Variants in RSBN1 observed in about 807,000 individuals in gnomAD.
The protein encoded by RSBN1 is lysine-specific demethylase 9.
A neutral mutation model predicts 74.8 loss-of-function variants in RSBN1; 23 were observed. That is an observed-to-expected ratio of 0.31 (90% confidence interval 0.22 to 0.44). The LOEUF is 0.44. Ranked by LOEUF, RSBN1 falls within the 20% of genes least tolerant of loss-of-function variation. The pLI, the probability that RSBN1 is intolerant of heterozygous loss-of-function variation, is 1.00. For synonymous variants in RSBN1, 407 were observed against 379.6 expected (o/e 1.07, Z -0.84); for missense variants, 808 against 1,020.9 (o/e 0.79, Z 2.84).
chr1:113,794,985 T>C (rs1660442615), intron 2 of RSBN1, among the ~76,000 whole-genome samples: 1 of 152,260 alleles, frequency 6.6e-6, no homozygotes, highest in Non-Finnish European at 1.5e-5. Context: ...TTTATTTGAC[T>C]TTATTTCTAG....
At chr1:113,779,623 T>C (rs1460966137) in intron 2 of RSBN1, among the ~76,000 whole-genome samples, 1 of 152,222 alleles carries the variant, frequency 6.6e-6, no homozygotes, top group Non-Finnish European at 1.5e-5. Flanking sequence ...AAGGTAAGTC[T>C]TTTTAAATCA....
chr1:113,795,358 T>C (rs1660450819), intron 2 of RSBN1, among the ~76,000 whole-genome samples: 1 of 152,218 alleles, frequency 6.6e-6, no homozygotes, highest in Non-Finnish European at 1.5e-5. Flanking sequence ...CACTAGGTTG[T>C]TTCAAATATT....
chr1:113,796,768 A>C (rs1660479907), intron 2 of RSBN1, among the ~76,000 whole-genome samples: 1 of 152,218 alleles, frequency 6.6e-6, no homozygotes, highest in African/African-American at 2.4e-5. Context: ...ACTGGTTAAG[A>C]AGCAGACGTT....
In RSBN1 at chr1:113,763,056, C is replaced by T. The variant is rs1339007169; in HGVS notation, c.*2924G>A. ...TTAAAACTTTGGAGGAGAGAACATA[C>T]TATATAGGTTTTTATTATTATTGCT... On this transcript the variant is annotated 3_prime_UTR_variant, in exon 7 of 7. Transcript: ENST00000261441. The T allele has an allele frequency of 6.5e-6, 1 of 152,722 alleles. No homozygotes were observed. Among genetic ancestry groups the T allele is most frequent in the East Asian group, 1.9e-4 (1 of 5,336 alleles). 9.5% of individuals were successfully genotyped at this position (152,722 alleles called of 1,614,324 possible). A position where few individuals can be genotyped will look rare whatever the true frequency, so the allele number is the denominator to read the frequency against.
intron 1 of RSBN1, among the ~76,000 whole-genome samples, chr1:113,810,473 A>G (rs1040568854): frequency 6.6e-6 from 1 of 152,158 alleles, no homozygotes; most frequent in Non-Finnish European, 1.5e-5. Context: ...ATCATTGCAT[A>G]TTGGTGGTGA....
intron 1 of RSBN1, among the ~76,000 whole-genome samples, chr1:113,799,920 T>C (rs1359313048): frequency 6.6e-6 from 1 of 152,164 alleles, no homozygotes; most frequent in African/African-American, 2.4e-5. Flanking sequence ...GCATAGAATT[T>C]ACCCACCAAA....
Position 113,797,383 on chromosome 1 carries a change from T to C in RSBN1, c.1357A>G (p.Ile453Val). ...LGKKDIETTT[I>V]SNFHTQVNRT... ...CTTACCTGAGTGTGAAAATTTGAAA[T>C]GGTGGTTGTTTCAATATCTTTCTTG... Residue 453 changes from isoleucine (I) to valine (V), a missense_variant, in exon 2 of 7, where the codon ATT becomes GTT. Coordinates refer to ENST00000261441, the MANE Select transcript of RSBN1 (RefSeq NM_018364.5). The C allele has an allele frequency of 6.2e-7, 1 of 1,606,414 alleles. No homozygotes were observed. Among genetic ancestry groups the C allele is most frequent in the Non-Finnish European group, 8.5e-7 (1 of 1,177,418 alleles).
chr1:113,773,473 A>C lies in RSBN1; in HGVS notation c.1658+3737T>G, dbSNP rs181225719. 4.6e-5 allele frequency among the ~76,000 whole-genome samples: 7 copies of C among 152,334 alleles called. No individual in the cohort carries two copies. The East Asian group carries it at 1.2e-3, about 25-fold the overall frequency. On this transcript the variant is annotated intron_variant, in intron 4 of 6. Transcript: ENST00000261441. ...GGGAGGCAGAGGTTGCAGTGAGCCA[A>C]GATCGCACCACTGCACTCCAGCCTG...
At chr1:113,779,319 A>C (rs1289633849) in intron 2 of RSBN1, among the ~76,000 whole-genome samples, 1 of 152,198 alleles carries the variant, frequency 6.6e-6, no homozygotes, top group Admixed American at 6.5e-5. Context: ...TTTTAGAATC[A>C]ATTTTTTTCC....
rs1399911492 is a variant in RSBN1 at position 113,777,820 on chromosome 1, C to T, written c.1378-12G>A. The stretch of plus-strand genomic sequence containing the variant: ...TATGTCCTGTTGACCTAAGATAAAA[C>T]AAAAGAGGGAAAAATGGACTGAGGT... On this transcript the variant is annotated splice_polypyrimidine_tract_variant and intron_variant, in intron 2 of 6. Coordinates refer to ENST00000261441, the MANE Select transcript of RSBN1 (RefSeq NM_018364.5). 1.0e-5 allele frequency: 16 copies of T among 1,527,638 alleles called. No individual in the cohort carries two copies. The highest frequency in any genetic ancestry group is 2.3e-5 in the East Asian group (1 of 43,548). 94.6% of individuals were successfully genotyped at this position (1,527,638 alleles called of 1,614,324 possible). A position where few individuals can be genotyped will look rare whatever the true frequency, so the allele number is the denominator to read the frequency against.
chr1:113,770,586 G>C (rs983209250), intron 4 of RSBN1, among the ~76,000 whole-genome samples: 3 of 152,026 alleles, frequency 2.0e-5, no homozygotes, highest in Non-Finnish European at 2.9e-5. Flanking sequence ...TCTGAAATTT[G>C]GGCACATCAT....
At chr1:113,799,006 T>C (rs1571308705) in intron 1 of RSBN1, among the ~76,000 whole-genome samples, 1 of 152,314 alleles carries the variant, frequency 6.6e-6, no homozygotes, top group Non-Finnish European at 1.5e-5. Flanking sequence ...TTATACTCTG[T>C]GTTATTAACA....
At chr1:113,800,953 A>G (rs1660572185) in intron 1 of RSBN1, among the ~76,000 whole-genome samples, 1 of 152,048 alleles carries the variant, frequency 6.6e-6, no homozygotes. Context: ...AGTAAATTTC[A>G]ATCTATCTTC....
chr1:113,797,879 G>A lies in RSBN1; in HGVS notation c.861C>T (p.Arg287=). The A allele has an allele frequency of 6.2e-7, 1 of 1,613,472 alleles. No individual in the cohort carries two copies. The highest frequency in any genetic ancestry group is 8.5e-7 in the Non-Finnish European group (1 of 1,179,918). Residue 287 remains arginine, a synonymous_variant, in exon 2 of 7, where the codon CGC becomes CGT. Coordinates refer to ENST00000261441, the MANE Select transcript of RSBN1 (RefSeq NM_018364.5). ...EVQTVCAGLT[R]ISKEILTQGQ... ...CTTGGGTGAGAATTTCTTTACTGAT[G>A]CGGGTCAGGCCAGCACAGACGGTTT...
chr1:113,767,925 T>G, intron 5 of RSBN1: 2 of 225,460 alleles, frequency 8.9e-6, no homozygotes, highest in Non-Finnish European at 1.7e-5. Context: ...AGTAGTCAAA[T>G]TCATAGAAAC....
chr1:113,770,444 T>C (rs986468920), intron 4 of RSBN1, among the ~76,000 whole-genome samples: 2 of 152,228 alleles, frequency 1.3e-5, no homozygotes, highest in African/African-American at 2.4e-5. Context: ...AAGACAGACA[T>C]TTTATTTTAT....
At chr1:113,796,217 C>T (rs958845978) in intron 2 of RSBN1, 2 of 152,178 alleles carry the variant, frequency 1.3e-5, no homozygotes, top group Non-Finnish European at 2.9e-5. Context: ...AAATCCAAGA[C>T]GAAGCCCTTT....
intron 1 of RSBN1, among the ~76,000 whole-genome samples, chr1:113,809,115 G>GT (rs1282059815): frequency 6.6e-6 from 1 of 151,818 alleles, no homozygotes; most frequent in Non-Finnish European, 1.5e-5. Context: ...ACATAGCTTT[G>GT]TAAGTAACAA....
intron 1 of RSBN1, among the ~76,000 whole-genome samples, chr1:113,800,562 A>G (rs1405814910): frequency 6.6e-6 from 1 of 152,212 alleles, no homozygotes; most frequent in Non-Finnish European, 1.5e-5. Flanking sequence ...TAGCAATTTC[A>G]CAGGAAAACA....
Sources: allele counts gnomAD v4.1 joint callset (sites outside exome capture counted in the v4.1 genomes callset), GRCh38; gene constraint gnomAD v4.1.1; transcripts MANE v1.5; gene names NCBI Gene and HGNC (gene_info 2026-07-23, HGNC 2026-07-21).